The following EP400 variants were observed in gnomAD, a reference collection of about 807,000 sequenced individuals.
The protein encoded by EP400 is E1A-binding protein p400.
In EP400, 105 loss-of-function variants were observed where a neutral mutation model predicts 354.1. The observed-to-expected ratio is 0.30, with a 90% confidence interval of 0.25 to 0.35. EP400 has a LOEUF of 0.35. Among genes scored for constraint, EP400 ranks in the 10% least tolerant of loss-of-function variants. EP400 has a pLI of 1.00. For synonymous variants in EP400, 1,646 were observed against 1,716.9 expected, an observed-to-expected ratio of 0.96 and a Z score of 1.02; for missense variants, 3,280 against 4,121.0, an observed-to-expected ratio of 0.80 and a Z score of 5.59.
chr12:132,067,464 G>T lies in EP400; in HGVS notation c.8852G>T (p.Gly2951Val). 2.5e-6 allele frequency: 4 copies of T among 1,613,076 alleles called. No individual in the cohort carries two copies. Among genetic ancestry groups the T allele is most frequent in the Non-Finnish European group, 2.5e-6 (3 of 1,179,998 alleles). The change falls in exon 50 of 53, where the codon GGC becomes GTC. Residue 2951 changes from glycine to valine, a missense_variant. This residue lies in a region of EP400 where 279 missense variants were observed against 386.7 expected (regional missense o/e 0.72). Transcript: ENST00000389561. This position sits in a 1 kb window ranked among gnomAD's most constrained non-coding sequence, Gnocchi z 5.3. ...QKAIQPQAAQ[G>V]PAAVQQKITA... is the part of the protein sequence containing the mutation. ...GCCATCCAGCCCCAGGCTGCACAGG[G>T]CCCGGCAGCCGTCCAGCAGAAGGTA...
chr12:132,063,107 G>C (rs1895761989), intron 47 of EP400, among the ~76,000 whole-genome samples: 1 of 152,188 alleles, frequency 6.6e-6, no homozygotes, highest in Admixed American at 6.5e-5. Flanking sequence ...TTTCGATGTG[G>C]TTCACGTGCG....
In EP400 at chr12:132,031,415, T is replaced by G. The variant is rs1894488706; in HGVS notation, c.5755-538T>G. The G allele has an allele frequency of 5.8e-6, 3 of 518,220 alleles. No homozygotes were observed. In the Admixed American group the frequency reaches 5.8e-5, roughly 10 times the overall value. The allele number at this position is 518,220 out of a possible 1,614,324, so 32.1% of individuals were successfully genotyped here. A position where few individuals can be genotyped will look rare whatever the true frequency, so the allele number is the denominator to read the frequency against. On this transcript the variant is annotated intron_variant, in intron 29 of 52. Transcript: ENST00000389561. ...CTTGTCACTCATGGCTGATGTTATT[T>G]AAACTGTGCATGAGGGTGTTGGCGA...
Position 131,991,468 on chromosome 12 carries a change from G to A in EP400, c.2679+12G>A. On this transcript the variant is annotated intron_variant, in intron 10 of 52. Coordinates refer to ENST00000389561, the MANE Select transcript of EP400 (RefSeq NM_015409.5). The stretch of plus-strand genomic sequence containing the variant: ...AGGAAAGTTCTCTGGTAAGTTTGGG[G>A]TTGTTACTGTGCTGTGTGAGAAGGA... The A allele has an allele frequency of 1.2e-6, 2 of 1,613,844 alleles. No homozygotes were observed. Among genetic ancestry groups the A allele is most frequent in the Non-Finnish European group, 1.7e-6 (2 of 1,179,808 alleles).
Position 132,077,432 on chromosome 12 carries a change from C to G in EP400, c.9131C>G (p.Ala3044Gly), listed in dbSNP as rs141517931. 2 of 1,612,632 alleles carry G rather than the reference C, an allele frequency of 1.2e-6. No individual in the cohort carries two copies. Among genetic ancestry groups the G allele is most frequent in the Non-Finnish European group, 1.7e-6 (2 of 1,179,856 alleles). ...ASPQTVALTQ[A>G]TAAGQQVQMI... The stretch of plus-strand genomic sequence containing the variant: ...CCACAGACTGTGGCGCTCACGCAGG[C>G]GACGGCGGCCGGGCAGCAGGTGCAG... The change falls in exon 53 of 53, where the codon GCG (alanine) becomes GGG (glycine). Residue 3044 changes from alanine to glycine, a missense_variant. Coordinates refer to ENST00000389561, the MANE Select transcript of EP400 (RefSeq NM_015409.5).
At chr12:131,996,436 C>T (rs1336551314) in intron 12 of EP400, among the ~76,000 whole-genome samples, 2 of 151,696 alleles carry the variant, frequency 1.3e-5, no homozygotes, top group Non-Finnish European at 2.9e-5. Flanking sequence ...GGACTACAGC[C>T]GCCCGCCACC....
Position 132,025,714 on chromosome 12 carries a change from C to T in EP400, c.4924C>T (p.Gln1642Ter). ...TCGAGCCCCTGGCCCTGTGGTGATGCAGACCGTGTCTCAGGCGGGCGCTGT... is the reference window on the plus strand; with the variant it reads ...TCGAGCCCCTGGCCCTGTGGTGATGTAGACCGTGTCTCAGGCGGGCGCTGT... ...YLRAPGPVVM[Q>*]TVSQAGAVHG... The change falls in exon 25 of 53, where the codon CAG becomes TAG. Residue 1642 changes from glutamine (Q) to a stop codon, truncating the protein, a stop_gained. Transcript: ENST00000389561. LOFTEE classifies it high-confidence loss of function. The surrounding 1 kb of genome is among the most constrained non-coding windows in gnomAD (Gnocchi z 4.1). 1 of 1,613,460 alleles carries T rather than the reference C, an allele frequency of 6.2e-7. No homozygotes were observed. Among genetic ancestry groups the T allele is most frequent in the African/African-American group, 1.3e-5 (1 of 75,058 alleles).
At chr12:132,037,856 G>C (rs966757579) in intron 31 of EP400, 63 bp downstream of exon 31, 1 of 1,610,198 alleles carries the variant, frequency 6.2e-7, no homozygotes, top group African/African-American at 1.3e-5. Flanking sequence ...GAATCGCATG[G>C]TGTTAGTGCA....
intron 5 of EP400, among the ~76,000 whole-genome samples, chr12:131,984,802 C>G (rs1192824829): frequency 6.6e-6 from 1 of 151,724 alleles, no homozygotes; most frequent in African/African-American, 2.4e-5. Flanking sequence ...GGGTTCAAAC[C>G]ATTCTCCTGC....
chr12:131,989,924 A>G (rs755208972), intron 7 of EP400, 40 bp from the exon 8 acceptor site: 89 of 1,598,274 alleles, frequency 5.6e-5, no homozygotes, highest in South Asian at 2.1e-4. Flanking sequence ...CCAGCATGAC[A>G]TAGAGTACAA....
chr12:132,018,305 A>C lies in EP400; in HGVS notation c.4206A>C (p.Lys1402Asn). Residue 1402 changes from lysine to asparagine, a missense_variant, in exon 21 of 53, where the codon AAA (lysine) becomes AAC (asparagine). Coordinates refer to ENST00000389561, the MANE Select transcript of EP400 (RefSeq NM_015409.5). The surrounding 1 kb of genome is among the most constrained non-coding windows in gnomAD (Gnocchi z 4.0). ...TGTCTAAGAAAAAGATACCGCGGAA[A>C]CTCATGGAGGAAATCTCCACTTCAG... is the stretch of plus-strand genomic sequence containing the variant. ...ELLSKKKIPR[K>N]LMEEISTSAA... The C allele has an allele frequency of 6.2e-7, 1 of 1,613,354 alleles. No homozygotes were observed. Among genetic ancestry groups the C allele is most frequent in the Non-Finnish European group, 8.5e-7 (1 of 1,179,856 alleles).
rs370922927 is a variant in EP400 at position 131,975,505 on chromosome 12, C to T, written c.1336-4189C>T. ...GCGTGTCTTGAAGTCAGGTCCTTCA[C>T]TTGGTTCTTCTCTCTCAATAATCTT... On this transcript the variant is annotated intron_variant, in intron 2 of 52. Transcript: ENST00000389561. 2.6e-5 allele frequency among the ~76,000 whole-genome samples: 4 copies of T among 152,068 alleles called. No homozygotes were observed. In the East Asian group the frequency reaches 7.7e-4, roughly 29 times the overall value.
rs544924347 is a variant in EP400 at position 131,981,011 on chromosome 12, T to C, written c.1436-478T>C. Among the ~76,000 whole-genome samples, 7 of 152,358 alleles carry C rather than the reference T, an allele frequency of 4.6e-5. No homozygotes were observed. In the East Asian group the frequency reaches 1.2e-3, roughly 25 times the overall value. On this transcript the variant is annotated intron_variant, in intron 3 of 52. Coordinates refer to ENST00000389561, the MANE Select transcript of EP400 (RefSeq NM_015409.5). Reference sequence around the variant, plus strand: ...CTGGTTCTTTCACATTTTGATCGTTTTATTAGGTATAAGTCATTTAATCCT... The same window carrying C: ...CTGGTTCTTTCACATTTTGATCGTTCTATTAGGTATAAGTCATTTAATCCT...
At chr12:132,074,165 T>C (rs1415323365) in intron 51 of EP400, among the ~76,000 whole-genome samples, 1 of 145,904 alleles carries the variant, frequency 6.9e-6, no homozygotes, top group Non-Finnish European at 1.5e-5. Flanking sequence ...CCTCAGGTGA[T>C]CCACCTGCCT....
At chr12:131,981,101 T>C (rs75966716) in intron 3 of EP400, among the ~76,000 whole-genome samples, 2,190 of 152,326 alleles carry the variant, frequency 0.014, 50 homozygotes, top group African/African-American at 0.05. Flanking sequence ...GAGCACGCTG[T>C]GCAGCCTCAT....
chr12:132,010,666 G>C (rs1001818721), intron 15 of EP400, among the ~76,000 whole-genome samples: 8 of 152,148 alleles, frequency 5.3e-5, no homozygotes, highest in Non-Finnish European at 8.8e-5. Flanking sequence ...TTCTCGCCAG[G>C]CTTGGTGGCT....
At chr12:132,011,467 G>C in intron 15 of EP400, 31 bp from the exon 16 acceptor site, 2 of 1,611,302 alleles carry the variant, frequency 1.2e-6, no homozygotes, top group Non-Finnish European at 1.7e-6. Context: ...CAGATACTTT[G>C]ACGTGGAAAA....
At chr12:132,001,901 G>A (rs1387695024) in intron 12 of EP400, among the ~76,000 whole-genome samples, 1 of 152,118 alleles carries the variant, frequency 6.6e-6, no homozygotes, top group African/African-American at 2.4e-5. Context: ...AATGATATTC[G>A]TATATAATCA....
chr12:132,033,239 C>T (rs369402898), intron 30 of EP400, among the ~76,000 whole-genome samples: 4 of 152,120 alleles, frequency 2.6e-5, no homozygotes, highest in African/African-American at 9.7e-5. Flanking sequence ...TGAGCCACCG[C>T]GCCTGGCCTA....
In EP400 at chr12:132,064,722, C is replaced by T; in HGVS notation, c.8389C>T (p.Pro2797Ser). ...ACTGCAGATGCCCCCGCAGCCCCCA[C>T]CGCCACAGGCCCAGTCTGCGCCCCC... ...QKLQMPPQPPPPQAQSAPPQP... is the reference protein window; with the variant it reads ...QKLQMPPQPPSPQAQSAPPQP... The change falls in exon 48 of 53, where the codon CCG (proline) becomes TCG (serine). Residue 2797 changes from proline to serine, a missense_variant. Around this residue, in one of 20 missense-constraint regions of EP400, gnomAD observed 86 missense variants for 66.4 expected, o/e 1.29. Transcript: ENST00000389561. The T allele has an allele frequency of 1.9e-6, 3 of 1,613,742 alleles. No individual in the cohort carries two copies. The highest frequency in any genetic ancestry group is 1.1e-5 in the South Asian group (1 of 91,060).
Sources: gnomAD v4.1 joint callset for allele counts (sites outside exome capture counted in the v4.1 genomes callset) on GRCh38, gnomAD v4.1.1 for gene constraint, gnomAD v4.1.1 regional missense constraint, Gnocchi (gnomAD v3.1) non-coding constraint, MANE v1.5 for transcripts, NCBI Gene and HGNC (gene_info 2026-07-23, HGNC 2026-07-21) for gene names.